Variants in GNG12 observed in about 807,000 individuals in gnomAD.
The protein encoded by GNG12 is guanine nucleotide-binding protein G(I)/G(S)/G(O) subunit gamma-12.
For missense variants in GNG12, 69 were observed against 83.8 expected, an observed-to-expected ratio of 0.82 and a Z score of 0.69; for synonymous variants, 28 against 29.7, an observed-to-expected ratio of 0.94 and a Z score of 0.19.
chr1:67,809,485 G>A (rs1005410517), intron 1 of GNG12, among the ~76,000 whole-genome samples: 2 of 152,144 alleles, frequency 1.3e-5, no homozygotes, highest in African/African-American at 4.8e-5. Flanking sequence ...AATGTCAAGA[G>A]AATGAGAAGC....
chr1:67,813,066 A>G (rs528799564), intron 1 of GNG12, among the ~76,000 whole-genome samples: 12 of 152,316 alleles, frequency 7.9e-5, no homozygotes, highest in Non-Finnish European at 1.6e-4. Context: ...GTAACATCCC[A>G]TAATTCTGTC....
intron 2 of GNG12, among the ~76,000 whole-genome samples, chr1:67,746,647 T>C (rs1446268969): frequency 6.6e-6 from 1 of 152,216 alleles, no homozygotes; most frequent in Non-Finnish European, 1.5e-5. Context: ...TAAAAAATAC[T>C]GTTCTAAAAA....
intron 2 of GNG12, among the ~76,000 whole-genome samples, chr1:67,740,841 C>T (rs1646479375): frequency 6.6e-6 from 1 of 152,180 alleles, no homozygotes; most frequent in South Asian, 2.1e-4. Context: ...ATCGAATCTG[C>T]TAGAGCCTTG....
intron 1 of GNG12, among the ~76,000 whole-genome samples, chr1:67,806,555 A>C (rs1286734547): frequency 1.3e-5 from 2 of 150,886 alleles, no homozygotes; most frequent in Admixed American, 6.6e-5. Context: ...TCCTGGAACC[A>C]ATCCCCTGTG....
At chr1:67,735,365 G>C (rs1211331807) in intron 2 of GNG12, among the ~76,000 whole-genome samples, 2 of 152,148 alleles carry the variant, frequency 1.3e-5, no homozygotes, top group Admixed American at 1.3e-4. Context: ...TATTTTCCGA[G>C]GAACATCTCA....
rs116768675 is a variant in GNG12, at chr1:67,717,063, T to C, written c.-26-9351A>G. 6.6e-5 allele frequency among the ~76,000 whole-genome samples: 10 copies of C among 152,216 alleles called. No homozygotes were observed. The East Asian group carries it at 1.7e-3, about 26-fold the overall frequency. ...ACTTGTTTAAGAAAGTCTGATTCAG[T>C]AGGGCTGGAGAAGGGCCCACAGATC... is the stretch of plus-strand genomic sequence containing the variant. On this transcript the variant is annotated intron_variant, in intron 2 of 3. Coordinates refer to ENST00000370982, the MANE Select transcript of GNG12 (RefSeq NM_018841.6).
chr1:67,715,956 C>T (rs1318345951), intron 2 of GNG12, among the ~76,000 whole-genome samples: 1 of 152,202 alleles, frequency 6.6e-6, no homozygotes, highest in Non-Finnish European at 1.5e-5. Context: ...AAAATTCTTT[C>T]TCTTTCTCCC....
chr1:67,749,918 A>G (rs1212811925), intron 2 of GNG12, among the ~76,000 whole-genome samples: 2 of 152,186 alleles, frequency 1.3e-5, no homozygotes, highest in Non-Finnish European at 2.9e-5. Flanking sequence ...ACTGGTTAGG[A>G]ACTGTCCCAT....
chr1:67,814,421 C>T (rs932921434), intron 1 of GNG12, among the ~76,000 whole-genome samples: 1 of 152,212 alleles, frequency 6.6e-6, no homozygotes, highest in African/African-American at 2.4e-5. Context: ...ATTAGCAAAA[C>T]TGTTCCTACC....
intron 2 of GNG12, among the ~76,000 whole-genome samples, chr1:67,773,178 G>A (rs572903918): frequency 6.6e-6 from 1 of 152,334 alleles, no homozygotes; most frequent in African/African-American, 2.4e-5. Context: ...TTCACGGGTA[G>A]TTCTTGTGGA....
intron 2 of GNG12, among the ~76,000 whole-genome samples, chr1:67,731,307 C>G (rs1203031009): frequency 6.6e-6 from 1 of 152,164 alleles, no homozygotes; most frequent in African/African-American, 2.4e-5. Context: ...TGTACAAATA[C>G]TAATCCCCGC....
chr1:67,709,338 G>A (rs1460352745), intron 2 of GNG12, among the ~76,000 whole-genome samples: 1 of 152,132 alleles, frequency 6.6e-6, no homozygotes, highest in East Asian at 1.9e-4. Flanking sequence ...CCCAACAAGT[G>A]GTCAATGAGC....
At chr1:67,828,997 G>T (rs754673652) in intron 1 of GNG12, among the ~76,000 whole-genome samples, 2 of 152,038 alleles carry the variant, frequency 1.3e-5, no homozygotes, top group Non-Finnish European at 2.9e-5. Context: ...TAACTATTAC[G>T]CAAATTTTTT....
At chr1:67,720,538 G>T (rs1480093155) in intron 2 of GNG12, among the ~76,000 whole-genome samples, 1 of 152,208 alleles carries the variant, frequency 6.6e-6, no homozygotes, top group Admixed American at 6.5e-5. Context: ...TAGATGAATG[G>T]ATAAATTCAG....
At chr1:67,786,185 T>C (rs1646766524) in intron 1 of GNG12, among the ~76,000 whole-genome samples, 3 of 152,218 alleles carry the variant, frequency 2.0e-5, no homozygotes, top group Admixed American at 2.0e-4. Flanking sequence ...TATTGAAATA[T>C]GTTACCAGTA....
At chr1:67,748,108 G>A (rs893922292) in intron 2 of GNG12, among the ~76,000 whole-genome samples, 12 of 152,170 alleles carry the variant, frequency 7.9e-5, no homozygotes, top group Admixed American at 2.0e-4. Context: ...GTCTGCATGA[G>A]GGGGCAGGGA....
chr1:67,728,092 T>C (rs1467849983), intron 2 of GNG12, among the ~76,000 whole-genome samples: 1 of 152,098 alleles, frequency 6.6e-6, no homozygotes, highest in Non-Finnish European at 1.5e-5. Context: ...ACTTAAGAGG[T>C]AGGGCAAAAT....
At chr1:67,747,431 T>G (rs955964419) in intron 2 of GNG12, among the ~76,000 whole-genome samples, 9 of 152,224 alleles carry the variant, frequency 5.9e-5, no homozygotes, top group Non-Finnish European at 1.3e-4. Flanking sequence ...ATAAAAAATC[T>G]ATTGAGTGTT....
At chr1:67,782,513 A>C (rs767167569) in intron 1 of GNG12, among the ~76,000 whole-genome samples, 5 of 152,118 alleles carry the variant, frequency 3.3e-5, no homozygotes, top group Non-Finnish European at 7.4e-5. Flanking sequence ...CATCAGGAGA[A>C]ATTCTTTTTA....
Sources: gnomAD v4.1 joint callset for allele counts (sites outside exome capture counted in the v4.1 genomes callset) on GRCh38, gnomAD v4.1.1 for gene constraint, MANE v1.5 for transcripts, NCBI Gene and HGNC (gene_info 2026-07-23, HGNC 2026-07-21) for gene names.